Variants in FGF14 observed in about 807,000 individuals in gnomAD.
The protein encoded by FGF14 is fibroblast growth factor homologous factor 4.
FGF14 carries 5 observed loss-of-function variants against 25.5 expected under a neutral mutation model. The observed-to-expected ratio is 0.20, with a 90% confidence interval of 0.10 to 0.41. FGF14 has a LOEUF of 0.41. Among genes scored for constraint, FGF14 ranks in the 10% least tolerant of loss-of-function variants. The pLI, the probability that FGF14 is intolerant of heterozygous loss-of-function variation, is 1.00. For synonymous variants in FGF14, 138 were observed against 118.3 expected (o/e 1.17, Z -1.08); for missense variants, 222 against 320.1 (o/e 0.69, Z 2.34).
chr13:101,847,710 A>G (rs551605126), intron 3 of FGF14, among the ~76,000 whole-genome samples: 10 of 152,210 alleles, frequency 6.6e-5, no homozygotes, highest in African/African-American at 1.9e-4. Flanking sequence ...CTTCAAATCT[A>G]CAGTTATTGA....
chr13:101,802,745 A>G (rs188027173), intron 3 of FGF14, among the ~76,000 whole-genome samples: 1 of 152,222 alleles, frequency 6.6e-6, no homozygotes, highest in African/African-American at 2.4e-5. Context: ...TGTTTGCATG[A>G]TAAGGCATTT....
chr13:101,908,788 T>C (rs2139052627), intron 1 of FGF14, among the ~76,000 whole-genome samples: 1 of 152,228 alleles, frequency 6.6e-6, no homozygotes, highest in Admixed American at 6.5e-5. Context: ...GCTAAGTCAA[T>C]CCTAAAACAA....
At chr13:102,076,712 A>G (rs924805761) in intron 1 of FGF14, among the ~76,000 whole-genome samples, 1 of 152,216 alleles carries the variant, frequency 6.6e-6, no homozygotes, top group Non-Finnish European at 1.5e-5. Flanking sequence ...TAAAATGTCC[A>G]TACTTTCCAA....
chr13:102,324,198 G>A (rs1007400904), intron 1 of FGF14, among the ~76,000 whole-genome samples: 1 of 152,052 alleles, frequency 6.6e-6, no homozygotes, highest in Non-Finnish European at 1.5e-5. Context: ...GAAAGAAGCG[G>A]CTGTGGGCTT....
At chr13:102,219,358 T>C (rs896123201) in intron 1 of FGF14, among the ~76,000 whole-genome samples, 2 of 152,144 alleles carry the variant, frequency 1.3e-5, no homozygotes, top group African/African-American at 4.8e-5. Flanking sequence ...CTCCATGCAA[T>C]GGTTACCCCA....
intron 1 of FGF14, among the ~76,000 whole-genome samples, chr13:102,217,373 C>T (rs932980738): frequency 3.3e-5 from 5 of 152,132 alleles, no homozygotes; most frequent in East Asian, 1.9e-4. Context: ...ACTATCAAAA[C>T]GCTCATAGAG....
chr13:101,798,752 T>C (rs1461518904), intron 3 of FGF14, among the ~76,000 whole-genome samples: 1 of 152,168 alleles, frequency 6.6e-6, no homozygotes, highest in African/African-American at 2.4e-5. Flanking sequence ...TGTTTAGATA[T>C]GTGCTTATTT....
intron 3 of FGF14, among the ~76,000 whole-genome samples, chr13:101,785,185 G>A (rs1359732056): frequency 6.6e-6 from 1 of 151,818 alleles, no homozygotes; most frequent in African/African-American, 2.4e-5. Flanking sequence ...TATATCTTTA[G>A]TTTTAATATT....
At chr13:102,020,441 G>C (rs753845911) in intron 1 of FGF14, among the ~76,000 whole-genome samples, 5 of 152,052 alleles carry the variant, frequency 3.3e-5, no homozygotes, top group Non-Finnish European at 7.4e-5. Context: ...CCAGCTACTT[G>C]GGAGCCTGAG....
intron 1 of FGF14, among the ~76,000 whole-genome samples, chr13:102,175,148 A>T (rs536396425): frequency 6.6e-6 from 1 of 152,194 alleles, no homozygotes; most frequent in Admixed American, 6.6e-5. Flanking sequence ...AGCAATCCTA[A>T]GCAAAAAGAA....
At chr13:101,893,783 T>A (rs1431559321) in intron 1 of FGF14, among the ~76,000 whole-genome samples, 2 of 152,134 alleles carry the variant, frequency 1.3e-5, no homozygotes, top group Non-Finnish European at 2.9e-5. Context: ...CCTGGCGAGA[T>A]CCACGTCAGA....
At chr13:101,828,718 T>C (rs956359260) in intron 3 of FGF14, among the ~76,000 whole-genome samples, 6 of 152,114 alleles carry the variant, frequency 3.9e-5, no homozygotes, top group African/African-American at 1.4e-4. Context: ...ATTCCATACA[T>C]GCTCTAATTT....
chr13:102,296,780 C>A (rs1239643344), intron 1 of FGF14, among the ~76,000 whole-genome samples: 1 of 152,150 alleles, frequency 6.6e-6, no homozygotes, highest in African/African-American at 2.4e-5. Flanking sequence ...AACTAGAATT[C>A]AGCAGCAGTG....
chr13:102,341,562 A>T (rs1165349647), intron 1 of FGF14, among the ~76,000 whole-genome samples: 1 of 152,126 alleles, frequency 6.6e-6, no homozygotes, highest in Admixed American at 6.6e-5. Flanking sequence ...TACCATCCCT[A>T]TTGTGAGCTC....
intron 1 of FGF14, among the ~76,000 whole-genome samples, chr13:101,984,710 T>C (rs1170821208): frequency 6.6e-6 from 1 of 152,154 alleles, no homozygotes; most frequent in Non-Finnish European, 1.5e-5. Context: ...AGGTAGGATC[T>C]GCATTCCCCA....
At chr13:102,024,341 T>C (rs1447580278) in intron 1 of FGF14, among the ~76,000 whole-genome samples, 1 of 152,092 alleles carries the variant, frequency 6.6e-6, no homozygotes, top group Admixed American at 6.5e-5. Flanking sequence ...AGGTATCTCA[T>C]TGTAGTTCGT....
intron 1 of FGF14, chr13:102,003,221 T>C (rs1028271728): frequency 2.0e-5 from 3 of 152,234 alleles, no homozygotes; most frequent in African/African-American, 7.2e-5. Context: ...TTGAAACGAC[T>C]GTGCTAACAA....
chr13:101,751,902 CT>C (rs1275333843), intron 3 of FGF14, among the ~76,000 whole-genome samples: 2 of 151,888 alleles, frequency 1.3e-5, no homozygotes, highest in African/African-American at 2.4e-5. Flanking sequence ...GAAACCTTCT[CT>C]GGGGGAAAAA....
In FGF14 at chr13:102,388,051, A is replaced by G. The variant is rs111608446; in HGVS notation, c.208+13420T>C. On this transcript the variant is annotated intron_variant, in intron 1 of 4. Transcript: ENST00000376131. ...GCCATAGGTAGTTTTTTGATCCTCA[A>G]CTCCTCATCCTCCTCTCTTTCTCCA... Among the ~76,000 whole-genome samples the G allele has an allele frequency of 2.1e-3, 320 of 151,296 alleles. 4 individuals are homozygous for G. Among genetic ancestry groups the G allele is most frequent in the African/African-American group, 7.3e-3 (301 of 41,178 alleles).
Sources: gnomAD v4.1 joint callset for allele counts (sites outside exome capture counted in the v4.1 genomes callset) on GRCh38, gnomAD v4.1.1 for gene constraint, MANE v1.5 for transcripts, NCBI Gene and HGNC (gene_info 2026-07-23, HGNC 2026-07-21) for gene names.